TEK: variants seen among roughly 807,000 people sequenced by gnomAD.
The protein encoded by TEK is TEK receptor tyrosine kinase.
TEK carries 43 observed loss-of-function variants against 131.8 expected under a neutral mutation model. The observed-to-expected ratio is 0.33, with a 90% confidence interval of 0.26 to 0.42. The LOEUF (loss-of-function observed/expected upper bound fraction) is 0.42, where lower values mean the gene tolerates loss of function less well. TEK is among the 10% of genes least tolerant of loss of function. The pLI is 1.00. For synonymous variants in TEK, 580 were observed against 491.6 expected (o/e 1.18, Z -2.38); for missense variants, 1,162 against 1,384.4 (o/e 0.84, Z 2.55).
intron 4 of TEK, 34 bp from the exon 5 acceptor site, chr9:27,172,582 C>G (rs375543043): frequency 1.4e-4 from 224 of 1,612,184 alleles, no homozygotes; most frequent in Non-Finnish European, 1.8e-4. Flanking sequence ...CGAATGCGCT[C>G]TACTCACCAC....
chr9:27,158,515 G>T (rs1042195694), intron 2 of TEK, among the ~76,000 whole-genome samples: 8 of 152,060 alleles, frequency 5.3e-5, no homozygotes, highest in African/African-American at 2.4e-5. Context: ...TTTTTCATGT[G>T]ATACATTGCT....
rs757654404 is a variant in TEK at position 27,220,053 on chromosome 9, C to T, written c.3108C>T (p.Gly1036=). Residue 1036 remains glycine (G), a synonymous_variant, in exon 21 of 23, where the codon GGC becomes GGT. Transcript: ENST00000380036. ...GTGGCACTGTTTGTCTTCCAGGAGG[C>T]ACACCCTACTGCGGGATGACTTGTG... ...VLLWEIVSLG[G]TPYCGMTCAE... 1.9e-6 allele frequency: 3 copies of T among 1,614,060 alleles called. No individual in the cohort carries two copies. Among genetic ancestry groups the T allele is most frequent in the South Asian group, 2.2e-5 (2 of 91,080 alleles).
chr9:27,133,690 C>T (rs1288310186), intron 1 of TEK, among the ~76,000 whole-genome samples: 2 of 152,156 alleles, frequency 1.3e-5, no homozygotes, highest in African/African-American at 4.8e-5. Context: ...AAAGGAGATG[C>T]CTGTGGGACT....
chr9:27,218,083 A>G (rs1825886827), intron 19 of TEK, among the ~76,000 whole-genome samples: 1 of 147,398 alleles, frequency 6.8e-6, no homozygotes, highest in African/African-American at 2.5e-5. Flanking sequence ...CCTAGATCAG[A>G]GGAAGCAACC....
At chr9:27,132,500 C>G (rs930364337) in intron 1 of TEK, among the ~76,000 whole-genome samples, 1 of 152,040 alleles carries the variant, frequency 6.6e-6, no homozygotes, top group African/African-American at 2.4e-5. Context: ...GAAAAAGATT[C>G]CAGAGACAGT....
rs563085799 is a variant in TEK, at chr9:27,168,728, C to T, written c.475+123C>T. 3.9e-6 allele frequency: 3 copies of T among 764,866 alleles called. No individual in the cohort carries two copies. In the South Asian group the frequency reaches 4.5e-5, roughly 11 times the overall value. 47.4% of individuals were successfully genotyped at this position (764,866 alleles called of 1,614,324 possible). On this transcript the variant is annotated intron_variant, in intron 3 of 22. Transcript: ENST00000380036. ...TGTTTGAATTAAAGCTGCTATGATG[C>T]AAGCTTTCAAATTCTGTGTATGATA...
At chr9:27,200,036 A>G (rs1444671752) in intron 12 of TEK, among the ~76,000 whole-genome samples, 1 of 152,166 alleles carries the variant, frequency 6.6e-6, no homozygotes, top group Admixed American at 6.5e-5. Context: ...GGGGTGCAGT[A>G]TATTTTAATA....
chr9:27,191,589 T>TG (rs1266814388), intron 10 of TEK, among the ~76,000 whole-genome samples: 112 of 116,574 alleles, frequency 9.6e-4, no homozygotes, highest in African/African-American at 3.9e-3. Flanking sequence ...AAGAAAACTA[T>TG]GGAAAAAAAA....
chr9:27,154,999 A>T (rs964799998), intron 1 of TEK, among the ~76,000 whole-genome samples: 1 of 152,206 alleles, frequency 6.6e-6, no homozygotes, highest in Non-Finnish European at 1.5e-5. Flanking sequence ...TAAATAAACC[A>T]CGGCCACTGC....
At chr9:27,190,458 T>A in intron 9 of TEK, 71 bp from the exon 10 acceptor site, 1 of 1,585,240 alleles carries the variant, frequency 6.3e-7, no homozygotes, top group Non-Finnish European at 8.6e-7. Flanking sequence ...ACATATCTTC[T>A]ACCTCTACCT....
intron 2 of TEK, among the ~76,000 whole-genome samples, chr9:27,158,354 G>A (rs1311090588): frequency 1.3e-5 from 2 of 151,970 alleles, no homozygotes; most frequent in African/African-American, 2.4e-5. Flanking sequence ...ACTAGATACT[G>A]TGCCTACTTT....
At chr9:27,213,387 CCT>C in intron 17 of TEK, 95 bp from the exon 18 acceptor site, 3 of 887,554 alleles carry the variant, frequency 3.4e-6, no homozygotes, top group Non-Finnish European at 5.5e-6. Flanking sequence ...TGTTTAAAAT[CCT>C]TTTTTATACT....
chr9:27,142,294 T>C lies in TEK; in HGVS notation c.53-15537T>C, dbSNP rs181441768. Among the ~76,000 whole-genome samples the C allele has an allele frequency of 2.6e-5, 4 of 152,154 alleles. No homozygotes were observed. In the East Asian group the frequency reaches 7.7e-4, roughly 29 times the overall value. ...GATACAATGAGAGAAAGAGTGAAGG[T>C]TGAGAGGAGAGAAGATACTAAGTTC... On this transcript the variant is annotated intron_variant, in intron 1 of 22. Coordinates refer to ENST00000380036, the MANE Select transcript of TEK (RefSeq NM_000459.5).
intron 1 of TEK, among the ~76,000 whole-genome samples, chr9:27,155,744 G>A (rs1823307000): frequency 6.6e-6 from 1 of 151,680 alleles, no homozygotes; most frequent in Non-Finnish European, 1.5e-5. Context: ...CCAAAACATT[G>A]GGAATAATGT....
At chr9:27,121,019 G>A (rs1374991936) in intron 1 of TEK, among the ~76,000 whole-genome samples, 1 of 152,224 alleles carries the variant, frequency 6.6e-6, no homozygotes, top group Non-Finnish European at 1.5e-5. Context: ...ACGAAGAAAT[G>A]CTTTAATAAA....
chr9:27,208,209 G>A (rs968367726), intron 15 of TEK, among the ~76,000 whole-genome samples: 2 of 152,040 alleles, frequency 1.3e-5, no homozygotes, highest in African/African-American at 4.8e-5. Flanking sequence ...CCCTCCATGA[G>A]GCTTCTGTAG....
intron 1 of TEK, among the ~76,000 whole-genome samples, chr9:27,131,129 C>G (rs979550946): frequency 6.6e-6 from 1 of 152,150 alleles, no homozygotes; most frequent in African/African-American, 2.4e-5. Flanking sequence ...AATGTTCACT[C>G]TCTTACATAC....
At chr9:27,157,129 C>G (rs1331858456) in intron 1 of TEK, among the ~76,000 whole-genome samples, 1 of 152,048 alleles carries the variant, frequency 6.6e-6, no homozygotes, top group African/African-American at 2.4e-5. Context: ...TTTGTTTTTA[C>G]ATTTGGGGAG....
intron 4 of TEK, 79 bp from the exon 5 acceptor site, chr9:27,172,537 G>A (rs1362728739): frequency 1.9e-6 from 3 of 1,585,836 alleles, no homozygotes; most frequent in Non-Finnish European, 2.6e-6. Context: ...CTGAATGACT[G>A]ACACACAGTA....
Sources: gnomAD v4.1 joint callset for allele counts (sites outside exome capture counted in the v4.1 genomes callset) on GRCh38, gnomAD v4.1.1 for gene constraint, MANE v1.5 for transcripts, NCBI Gene and HGNC (gene_info 2026-07-23, HGNC 2026-07-21) for gene names.